The following BTBD9 variants were observed in gnomAD, a reference collection of about 807,000 sequenced individuals.
The protein encoded by BTBD9 is BTB/POZ domain-containing protein 9.
A neutral mutation model predicts 64.3 loss-of-function variants in BTBD9; 49 were observed. The ratio of observed to expected loss-of-function variants is 0.76; its 90% CI spans 0.61 to 0.97. The LOEUF (loss-of-function observed/expected upper bound fraction) is 0.97. Ranked by LOEUF, BTBD9 falls within the 50% of genes least tolerant of loss-of-function variation. The pLI is 0.00. For synonymous variants in BTBD9, 260 were observed against 274.7 expected, an observed-to-expected ratio of 0.95 and a Z score of 0.53; for missense variants, 598 against 762.1, an observed-to-expected ratio of 0.78 and a Z score of 2.53.
intron 6 of BTBD9, among the ~76,000 whole-genome samples, chr6:38,410,106 T>G (rs1176211837): frequency 6.6e-6 from 1 of 152,200 alleles, no homozygotes; most frequent in Non-Finnish European, 1.5e-5. Context: ...TATCAAGAGT[T>G]TTTATTTGAA....
intron 6 of BTBD9, among the ~76,000 whole-genome samples, chr6:38,388,712 G>A (rs971210924): frequency 3.9e-5 from 6 of 152,116 alleles, no homozygotes; most frequent in Non-Finnish European, 8.8e-5. Flanking sequence ...GTAGTTTTTT[G>A]TATATGTATA....
At chr6:38,465,686 CTAAA>C (rs1171469261) in intron 6 of BTBD9, among the ~76,000 whole-genome samples, 28 of 112,246 alleles carry the variant, frequency 2.5e-4, no homozygotes, top group South Asian at 8.4e-4. Context: ...GACTCCATCT[CTAAA>C]TAAATAAATA....
At chr6:38,342,535 CAAAAAAAAAA>C (rs762825969) in intron 7 of BTBD9, among the ~76,000 whole-genome samples, 6 of 54,866 alleles carry the variant, frequency 1.1e-4, no homozygotes, top group Non-Finnish European at 2.1e-4. Flanking sequence ...GACTCTGTCT[CAAAAAAAAAA>C]AAAAAAAAAA....
chr6:38,240,876 G>A (rs915161), intron 9 of BTBD9, among the ~76,000 whole-genome samples: 127,142 of 152,122 alleles, frequency 0.84, 53,523 homozygotes, highest in African/African-American at 0.88. Flanking sequence ...ACGCTCAAAC[G>A]GGCAGAGGCT....
intron 7 of BTBD9, among the ~76,000 whole-genome samples, chr6:38,312,082 AAC>A (rs1254479652): frequency 3.3e-5 from 5 of 152,030 alleles, no homozygotes; most frequent in African/African-American, 1.2e-4. Flanking sequence ...GCTGGTCTCA[AAC>A]TCCTGACTTC....
chr6:38,231,115 G>A (rs1763591467), intron 9 of BTBD9, among the ~76,000 whole-genome samples: 1 of 152,138 alleles, frequency 6.6e-6, no homozygotes, highest in Non-Finnish European at 1.5e-5. Context: ...TATAGAATTG[G>A]GAGAAATCAA....
intron 7 of BTBD9, among the ~76,000 whole-genome samples, chr6:38,327,289 C>A (rs1005500773): frequency 6.6e-6 from 1 of 152,134 alleles, no homozygotes; most frequent in Non-Finnish European, 1.5e-5. Context: ...GGCTCACCCA[C>A]CAGGCTTCCA....
At chr6:38,233,595 CCTT>C in intron 9 of BTBD9, among the ~76,000 whole-genome samples, 1 of 152,334 alleles carries the variant, frequency 6.6e-6, no homozygotes, top group Admixed American at 6.5e-5. Flanking sequence ...ATGACTGTGG[CCTT>C]ACTTGGCCTG....
chr6:38,265,686 T>A (rs939996705), intron 8 of BTBD9, among the ~76,000 whole-genome samples: 1 of 151,744 alleles, frequency 6.6e-6, no homozygotes, highest in Non-Finnish European at 1.5e-5. Context: ...CCTGGCTAAT[T>A]TTTTGTATTT....
intron 6 of BTBD9, among the ~76,000 whole-genome samples, chr6:38,358,025 TTCTCTCTCTC>T (rs914028967): frequency 6.6e-6 from 1 of 151,598 alleles, no homozygotes; most frequent in Admixed American, 6.6e-5. Context: ...GTCTCTCTCT[TTCTCTCTCTC>T]TCTCTAAAAG....
intron 6 of BTBD9, among the ~76,000 whole-genome samples, chr6:38,458,080 G>A (rs1297099300): frequency 1.3e-5 from 2 of 152,066 alleles, no homozygotes; most frequent in African/African-American, 2.4e-5. Context: ...ATCCATGATG[G>A]GCAACTAGTC....
rs539712844 is a variant in BTBD9 at position 38,487,588 on chromosome 6, T to C, written c.1154+90012A>G. 1.2e-3 allele frequency among the ~76,000 whole-genome samples: 57 copies of C among 47,356 alleles called. No homozygotes were observed. In the East Asian group the frequency reaches 0.015, roughly 12 times the overall value. 31.1% of individuals were successfully genotyped at this position (47,356 alleles called of 152,430 possible). ...CAGAGCGAGAGAGACAGAGAGAGAG[T>C]CAGCGAGAGAGAGAGAGAGAGAGAG... On this transcript the variant is annotated intron_variant, in intron 6 of 10. Transcript: ENST00000481247.
At chr6:38,572,064 C>T (rs1037428539) in intron 6 of BTBD9, among the ~76,000 whole-genome samples, 2 of 151,748 alleles carry the variant, frequency 1.3e-5, no homozygotes, top group African/African-American at 4.8e-5. Flanking sequence ...AAACACCTAC[C>T]CCCCATCTCT....
chr6:38,527,251 G>A (rs576357395), intron 6 of BTBD9, among the ~76,000 whole-genome samples: 20 of 104,654 alleles, frequency 1.9e-4, no homozygotes, highest in Non-Finnish European at 3.1e-4. Flanking sequence ...ACTCCAGAGC[G>A]AGACTCTGTC....
intron 1 of BTBD9, among the ~76,000 whole-genome samples, chr6:38,622,687 GCATC>G (rs1431272619): frequency 3.3e-5 from 5 of 152,100 alleles, no homozygotes; most frequent in Non-Finnish European, 5.9e-5. Flanking sequence ...GCCCCTTTAT[GCATC>G]CAATGCAACC....
At chr6:38,509,398 C>T (rs1772681496) in intron 6 of BTBD9, among the ~76,000 whole-genome samples, 1 of 152,122 alleles carries the variant, frequency 6.6e-6, no homozygotes, top group African/African-American at 2.4e-5. Flanking sequence ...ATATGTTAGT[C>T]CTAAAAAGTT....
chr6:38,554,164 C>T (rs1774924156), intron 6 of BTBD9, among the ~76,000 whole-genome samples: 1 of 152,032 alleles, frequency 6.6e-6, no homozygotes, highest in Admixed American at 6.6e-5. Context: ...CATGATTTGC[C>T]ATAAAATAGA....
At chr6:38,410,767 C>T (rs1386065250) in intron 6 of BTBD9, among the ~76,000 whole-genome samples, 1 of 152,058 alleles carries the variant, frequency 6.6e-6, no homozygotes, top group Non-Finnish European at 1.5e-5. Context: ...GTGGCTCACA[C>T]CTATAATCCC....
At chr6:38,598,771 G>A (rs1356097962) in intron 1 of BTBD9, among the ~76,000 whole-genome samples, 1 of 152,088 alleles carries the variant, frequency 6.6e-6, no homozygotes, top group African/African-American at 2.4e-5. Context: ...TACAAAATTA[G>A]CTGGGCCTGG....
Sources: gnomAD v4.1 joint callset for allele counts (sites outside exome capture counted in the v4.1 genomes callset) on GRCh38, gnomAD v4.1.1 for gene constraint, MANE v1.5 for transcripts, NCBI Gene and HGNC (gene_info 2026-07-23, HGNC 2026-07-21) for gene names.